ANK2: variants seen among roughly 807,000 people sequenced by gnomAD.
ANK2 encodes ankyrin-2.
In ANK2, 83 loss-of-function variants were observed where a neutral mutation model predicts 360.5. The ratio of observed to expected loss-of-function variants is 0.23; its 90% CI spans 0.19 to 0.28. ANK2 has a LOEUF of 0.28. Ranked by LOEUF, ANK2 falls within the 10% of genes least tolerant of loss-of-function variation. The pLI, the probability that ANK2 is intolerant of heterozygous loss-of-function variation, is 1.00. For synonymous variants in ANK2, 1,740 were observed against 1,759.5 expected, an observed-to-expected ratio of 0.99 and a Z score of 0.28; for missense variants, 4,201 against 4,795.7, an observed-to-expected ratio of 0.88 and a Z score of 3.66.
chr4:112,710,516 T>G, the ANK2 span, among the ~76,000 whole-genome samples: 1 of 151,954 alleles, frequency 6.6e-6, no homozygotes, highest in Non-Finnish European at 1.5e-5. Context: ...GCCAACATGG[T>G]GAAACCTCAT....
intron 2 of ANK2, among the ~76,000 whole-genome samples, chr4:112,927,133 G>A (rs926600049): frequency 5.3e-5 from 8 of 152,112 alleles, no homozygotes; most frequent in Admixed American, 2.0e-4. Context: ...TCTCCACCTG[G>A]TCCCACCTTT....
At chr4:113,256,409 T>C (rs2049356479) in intron 11 of ANK2, among the ~76,000 whole-genome samples, 1 of 152,236 alleles carries the variant, frequency 6.6e-6, no homozygotes, top group South Asian at 2.1e-4. Flanking sequence ...AAATTTTCAT[T>C]GTTGACTTGA....
At chr4:112,879,688 A>G (rs949329976) in intron 1 of ANK2, among the ~76,000 whole-genome samples, 5 of 152,222 alleles carry the variant, frequency 3.3e-5, no homozygotes, top group South Asian at 2.1e-4. Context: ...TTGGAACCGT[A>G]TATCTATAGT....
At chr4:112,841,590 G>C (rs918048077) in intron 1 of ANK2, among the ~76,000 whole-genome samples, 1 of 152,206 alleles carries the variant, frequency 6.6e-6, no homozygotes, top group Non-Finnish European at 1.5e-5. Flanking sequence ...AGAATGAAGA[G>C]TGAGAGGCTG....
intron 45 of ANK2, among the ~76,000 whole-genome samples, chr4:113,376,071 T>C (rs973039978): frequency 4.6e-5 from 7 of 152,246 alleles, no homozygotes; most frequent in African/African-American, 1.7e-4. Context: ...GGTGATGACC[T>C]TGAGCAGTAG....
At chr4:112,892,693 A>G (rs932486773) in intron 1 of ANK2, among the ~76,000 whole-genome samples, 1 of 152,228 alleles carries the variant, frequency 6.6e-6, no homozygotes, top group Non-Finnish European at 1.5e-5. Flanking sequence ...TCATATTCAC[A>G]TGGTCAGAGT....
At chr4:113,146,152 G>A in intron 1 of ANK2, 2 of 878,116 alleles carry the variant, frequency 2.3e-6, no homozygotes, top group South Asian at 4.1e-5. Context: ...CTCTGATCAA[G>A]TGGCATGCTT....
At chr4:113,311,113 C>A in intron 23 of ANK2, 142 bp from the exon 24 acceptor site, 1 of 994,818 alleles carries the variant, frequency 1.0e-6, no homozygotes, top group Non-Finnish European at 1.6e-6. Context: ...TAGTTGTTTG[C>A]TGGTGTTCTG....
At chr4:112,934,027 C>G (rs2093508077) in intron 2 of ANK2, among the ~76,000 whole-genome samples, 1 of 151,840 alleles carries the variant, frequency 6.6e-6, no homozygotes, top group South Asian at 2.1e-4. Context: ...GAGATTGAGC[C>G]TAGAGAAAGG....
chr4:113,324,572 T>C (rs1255608260), intron 26 of ANK2, among the ~76,000 whole-genome samples: 1 of 152,142 alleles, frequency 6.6e-6, no homozygotes, highest in Admixed American at 6.6e-5. Context: ...GTGAACACAG[T>C]GGTTGATAAA....
At chr4:113,095,670 C>A (rs996207955) in intron 1 of ANK2, among the ~76,000 whole-genome samples, 4 of 152,054 alleles carry the variant, frequency 2.6e-5, no homozygotes, top group Non-Finnish European at 5.9e-5. Flanking sequence ...AGATTTATAC[C>A]TTTCTGTTTA....
chr4:113,360,221 C>A (rs1035489908), intron 38 of ANK2, among the ~76,000 whole-genome samples: 1 of 152,096 alleles, frequency 6.6e-6, no homozygotes, highest in Non-Finnish European at 1.5e-5. Context: ...AGAAACTTTG[C>A]CCAAAAGACA....
chr4:113,242,980 T>TTAAC (rs1395423491), intron 9 of ANK2, among the ~76,000 whole-genome samples: 3 of 152,218 alleles, frequency 2.0e-5, no homozygotes, highest in African/African-American at 7.2e-5. Flanking sequence ...TGTGTGAGAA[T>TTAAC]TAACTCTTAG....
chr4:112,807,086 A>G, the ANK2 span, among the ~76,000 whole-genome samples: 2 of 152,106 alleles, frequency 1.3e-5, no homozygotes, highest in African/African-American at 4.8e-5. Flanking sequence ...GCCCTCTCTG[A>G]TGGAGTGCTC....
At chr4:113,145,594 T>C in intron 1 of ANK2, 7 of 1,064,702 alleles carry the variant, frequency 6.6e-6, no homozygotes, top group Non-Finnish European at 6.9e-6. Context: ...TTGACATGCA[T>C]AGCTGGCCTG....
chr4:113,198,963 C>T (rs373242537), intron 3 of ANK2, 48 bp from the exon 4 acceptor site: 78 of 1,510,150 alleles, frequency 5.2e-5, no homozygotes, highest in Non-Finnish European at 6.9e-5. Context: ...TTGATTTCTG[C>T]AAAATTCAGA....
chr4:112,904,487 A>G (rs1561032043), exon 2 of ANK2: 5 of 1,505,596 alleles, frequency 3.3e-6, no homozygotes, highest in Non-Finnish European at 4.5e-6. Context: ...AAGAATTGGT[A>G]TTTCAAATGA....
chr4:113,373,806 G>A (rs1210176255), intron 45 of ANK2, among the ~76,000 whole-genome samples: 1 of 152,240 alleles, frequency 6.6e-6, no homozygotes, highest in African/African-American at 2.4e-5. Context: ...GAAACGCACT[G>A]TGGTGCTTGT....
Position 113,329,194 on chromosome 4 carries a change from C to T in ANK2, c.2901-1052C>T, listed in dbSNP as rs944927372. Among the ~76,000 whole-genome samples the T allele has an allele frequency of 1.2e-4, 18 of 152,264 alleles. No individual in the cohort carries two copies. The East Asian group carries it at 3.5e-3, about 29-fold the overall frequency. ...GCTGTGTTGTTTAATTTTTGCTCCT[C>T]GACACAGTAAGTGCCTGGGAGACTT... On this transcript the variant is annotated intron_variant, in intron 26 of 45. Transcript: ENST00000357077.
Sources: gnomAD v4.1 joint callset for allele counts (sites outside exome capture counted in the v4.1 genomes callset) on GRCh38, gnomAD v4.1.1 for gene constraint, MANE v1.5 for transcripts, NCBI Gene and HGNC (gene_info 2026-07-23, HGNC 2026-07-21) for gene names.